DCC: variants seen among roughly 807,000 people sequenced by gnomAD.
DCC encodes DCC netrin 1 receptor.
Under a neutral mutation model 172.5 loss-of-function variants are expected in DCC, and 58 were observed. That is an observed-to-expected ratio of 0.34 (90% CI 0.27 to 0.42). DCC has a LOEUF of 0.42. DCC is among the 10% of genes least tolerant of loss of function. The pLI, the probability that DCC is intolerant of heterozygous loss-of-function variation, is 1.00. For synonymous variants in DCC, 709 were observed against 644.5 expected, an observed-to-expected ratio of 1.10 and a Z score of -1.52; for missense variants, 1,740 against 1,791.0, an observed-to-expected ratio of 0.97 and a Z score of 0.51.
intron 5 of DCC, among the ~76,000 whole-genome samples, chr18:53,037,501 G>T (rs917552794): frequency 1.3e-5 from 2 of 151,960 alleles, no homozygotes; most frequent in Non-Finnish European, 2.9e-5. Context: ...TTATCCATTT[G>T]CATCTTTGCC....
chr18:52,549,510 C>T (rs2032705230), intron 1 of DCC, among the ~76,000 whole-genome samples: 1 of 152,030 alleles, frequency 6.6e-6, no homozygotes, highest in Admixed American at 6.6e-5. Flanking sequence ...AAAAGAAGTG[C>T]TAATGACTTG....
intron 1 of DCC, among the ~76,000 whole-genome samples, chr18:52,638,546 C>T (rs1371911946): frequency 2.0e-5 from 3 of 152,070 alleles, no homozygotes; most frequent in Non-Finnish European, 4.4e-5. Flanking sequence ...TCAGACAAAA[C>T]AAACTTTAAA....
chr18:53,046,002 T>C (rs1302430344), intron 5 of DCC, among the ~76,000 whole-genome samples: 1 of 151,840 alleles, frequency 6.6e-6, no homozygotes, highest in Non-Finnish European at 1.5e-5. Context: ...CAAATGCTTT[T>C]TCCATGATTT....
chr18:53,298,038 T>C (rs997021889), intron 12 of DCC, among the ~76,000 whole-genome samples: 5 of 152,168 alleles, frequency 3.3e-5, no homozygotes, highest in African/African-American at 1.2e-4. Context: ...TTGGCATCGA[T>C]ATTAAGGTAT....
intron 5 of DCC, among the ~76,000 whole-genome samples, chr18:52,942,189 CTAATA>C (rs1210153440): frequency 1.3e-5 from 2 of 152,096 alleles, no homozygotes; most frequent in Non-Finnish European, 2.9e-5. Context: ...TATGAAAATA[CTAATA>C]TAATGTAAAA....
At chr18:52,958,906 A>G (rs1461154106) in intron 5 of DCC, among the ~76,000 whole-genome samples, 1 of 152,164 alleles carries the variant, frequency 6.6e-6, no homozygotes, top group Non-Finnish European at 1.5e-5. Flanking sequence ...CGCGGGCCAT[A>G]TGCAGCCCAG....
At chr18:53,379,376 T>A (rs1020513471) in intron 15 of DCC, among the ~76,000 whole-genome samples, 1 of 152,266 alleles carries the variant, frequency 6.6e-6, no homozygotes, top group Non-Finnish European at 1.5e-5. Context: ...ATCTGGCACA[T>A]GCCACTGGCA....
chr18:52,485,887 A>G (rs1358726986), intron 1 of DCC, among the ~76,000 whole-genome samples: 1 of 152,170 alleles, frequency 6.6e-6, no homozygotes, highest in Non-Finnish European at 1.5e-5. Flanking sequence ...AAACAACTAT[A>G]TTTTTAGATC....
intron 2 of DCC, among the ~76,000 whole-genome samples, chr18:52,857,587 T>G (rs2039074529): frequency 6.6e-6 from 1 of 152,172 alleles, no homozygotes; most frequent in Admixed American, 6.5e-5. Context: ...AATTCGAATT[T>G]AACATCATAT....
chr18:52,715,011 G>A (rs1395462707), intron 1 of DCC, among the ~76,000 whole-genome samples: 1 of 152,086 alleles, frequency 6.6e-6, no homozygotes, highest in East Asian at 1.9e-4. Flanking sequence ...AGGAAATGCT[G>A]GATAATGGAA....
intron 1 of DCC, among the ~76,000 whole-genome samples, chr18:52,406,262 T>G (rs28628551): frequency 0.78 from 113,287 of 145,848 alleles, 44,344 homozygotes; most frequent in Middle Eastern, 0.83. Flanking sequence ...ATAGGCATGG[T>G]CAAGGACTTC....
At chr18:52,652,672 G>A (rs573821021) in intron 1 of DCC, among the ~76,000 whole-genome samples, 2 of 150,516 alleles carry the variant, frequency 1.3e-5, no homozygotes, top group East Asian at 2.0e-4. Context: ...ATTAGTGAGC[G>A]ACAGGGAATC....
At chr18:53,167,007 A>G (rs542282754) in intron 8 of DCC, among the ~76,000 whole-genome samples, 6 of 152,312 alleles carry the variant, frequency 3.9e-5, no homozygotes, top group African/African-American at 1.2e-4. Flanking sequence ...CACTAAAGAA[A>G]TAATGAATGA....
chr18:53,290,210 C>T (rs905761), intron 12 of DCC, among the ~76,000 whole-genome samples: 49,297 of 152,022 alleles, frequency 0.32, 10,082 homozygotes, highest in South Asian at 0.57. Flanking sequence ...ATTCCATTTA[C>T]CTCATCCCTG....
At chr18:52,802,429 T>A (rs182441499) in intron 2 of DCC, among the ~76,000 whole-genome samples, 111 of 151,608 alleles carry the variant, frequency 7.3e-4, no homozygotes, top group Middle Eastern at 3.4e-3. Context: ...GGGTTAGCCA[T>A]GCCAACCCCC....
At position 52,488,590 on chromosome 18, in the gene DCC, G is replaced by A. The variant is rs2030344472; in HGVS notation, c.91+147712G>A. ...GTCATTTCTCTAGAGATCTTCTTGTGAACTGGCATTGAATTGACATTGACT... is the reference window on the plus strand; with the variant it reads ...GTCATTTCTCTAGAGATCTTCTTGTAAACTGGCATTGAATTGACATTGACT... On this transcript the variant is annotated intron_variant, in intron 1 of 28. Coordinates refer to ENST00000442544, the MANE Select transcript of DCC (RefSeq NM_005215.4). 3.3e-5 allele frequency among the ~76,000 whole-genome samples: 5 copies of A among 152,076 alleles called. 1 individual carries two copies. The South Asian group carries it at 1.0e-3, about 32-fold the overall frequency.
intron 5 of DCC, among the ~76,000 whole-genome samples, chr18:53,055,498 C>A (rs576732440): frequency 1.4e-4 from 21 of 152,174 alleles, no homozygotes; most frequent in African/African-American, 5.1e-4. Flanking sequence ...CCTTGAAATC[C>A]ATTTTTCTAG....
Position 52,412,311 on chromosome 18 carries a change from G to A in DCC, c.91+71433G>A, listed in dbSNP as rs534704134. Among the ~76,000 whole-genome samples, 9 of 152,116 alleles carry A rather than the reference G, an allele frequency of 5.9e-5. No homozygotes were observed. The South Asian group carries it at 1.9e-3, about 32-fold the overall frequency. ...AGTCATTCCTTACATGACTATCATG[G>A]TTAATGTACCCTGTTACACGGAGGA... On this transcript the variant is annotated intron_variant, in intron 1 of 28. Coordinates refer to ENST00000442544, the MANE Select transcript of DCC (RefSeq NM_005215.4).
intron 7 of DCC, among the ~76,000 whole-genome samples, chr18:53,077,439 A>G (rs1428095219): frequency 6.6e-6 from 1 of 152,126 alleles, no homozygotes; most frequent in Non-Finnish European, 1.5e-5. Context: ...TAGTTGTACA[A>G]TAGTGATTGA....
Sources: gnomAD v4.1 joint callset for allele counts (sites outside exome capture counted in the v4.1 genomes callset) on GRCh38, gnomAD v4.1.1 for gene constraint, MANE v1.5 for transcripts, NCBI Gene and HGNC (gene_info 2026-07-23, HGNC 2026-07-21) for gene names.